CALN1: variants seen among roughly 807,000 people sequenced by gnomAD.
The protein encoded by CALN1 is calcium-binding protein 8.
Under a neutral mutation model 30.6 loss-of-function variants are expected in CALN1, and 17 were observed. The ratio of observed to expected loss-of-function variants is 0.56; its 90% CI spans 0.38 to 0.83. The LOEUF (loss-of-function observed/expected upper bound fraction) is 0.83. Ranked by LOEUF, CALN1 falls within the 40% of genes least tolerant of loss-of-function variation. The pLI, the probability that CALN1 is intolerant of heterozygous loss-of-function variation, is 0.00. For missense variants in CALN1, 291 were observed against 354.9 expected, an observed-to-expected ratio of 0.82 and a Z score of 1.45; for synonymous variants, 156 against 131.4, an observed-to-expected ratio of 1.19 and a Z score of -1.28.
At position 72,255,445 on chromosome 7, in the gene CALN1, C is replaced by T. The variant is rs190021124; in HGVS notation, c.244+23241G>A. 4.8e-3 allele frequency among the ~76,000 whole-genome samples: 718 copies of T among 149,688 alleles called. 2 individuals carry two copies. The highest frequency in any genetic ancestry group is 0.017 in the African/African-American group (679 of 40,624). On this transcript the variant is annotated intron_variant, in intron 3 of 6. Coordinates refer to ENST00000395275, the MANE Select transcript of CALN1 (RefSeq NM_031468.4). The stretch of plus-strand genomic sequence containing the variant: ...TGTTATTTTTTTTGAGATGGAATCT[C>T]GCTTTGTCACCCAGGCTGGAGTGCA...
intron 5 of CALN1, among the ~76,000 whole-genome samples, chr7:71,890,751 T>TTTC (rs1350838715): frequency 6.7e-6 from 1 of 148,590 alleles, no homozygotes; most frequent in East Asian, 2.0e-4. Flanking sequence ...TCTAGCTTTT[T>TTTC]TTTTTTTTTT....
intron 4 of CALN1, among the ~76,000 whole-genome samples, chr7:72,026,299 A>AG (rs934484093): frequency 2.6e-5 from 4 of 151,984 alleles, no homozygotes; most frequent in African/African-American, 9.7e-5. Flanking sequence ...AACAAAATAG[A>AG]GGGGGGTTGG....
At chr7:72,038,632 A>C (rs187103602) in intron 4 of CALN1, among the ~76,000 whole-genome samples, 13 of 152,254 alleles carry the variant, frequency 8.5e-5, no homozygotes, top group African/African-American at 3.1e-4. Context: ...ATGAAATAGG[A>C]GGTCGGCACA....
the CALN1 span, among the ~76,000 whole-genome samples, chr7:72,486,766 TAA>T: frequency 2.0e-5 from 3 of 152,216 alleles, no homozygotes; most frequent in South Asian, 4.1e-4. Flanking sequence ...GATTTTTTAT[TAA>T]AGTCATTTAT....
chr7:72,416,444 C>T (rs554690630), upstream of CALN1, among the ~76,000 whole-genome samples: 43 of 152,214 alleles, frequency 2.8e-4, no homozygotes, highest in African/African-American at 4.8e-4. Context: ...TGAGTGAAGC[C>T]GGGAACCCGG....
chr7:72,455,219 T>C, the CALN1 span, among the ~76,000 whole-genome samples: 2 of 151,942 alleles, frequency 1.3e-5, no homozygotes, highest in African/African-American at 4.8e-5. Context: ...GGAAGATCAC[T>C]TGAGCCCAGG....
At position 71,872,941 on chromosome 7, in the gene CALN1, G is replaced by C. The variant is rs566885701; in HGVS notation, c.502-62449C>G. ...GCTTTATTTTTCCATGGAAATGACT[G>C]GGTAAGGTTTGAAGGTACTTCCATT... On this transcript the variant is annotated intron_variant, in intron 5 of 6. Transcript: ENST00000395275. 1.2e-3 allele frequency among the ~76,000 whole-genome samples: 176 copies of C among 151,444 alleles called. 1 individual carries two copies. Among genetic ancestry groups the C allele is most frequent in the African/African-American group, 4.1e-3 (168 of 41,280 alleles).
intron 4 of CALN1, among the ~76,000 whole-genome samples, chr7:72,054,905 A>G (rs1055458420): frequency 6.6e-6 from 1 of 150,766 alleles, no homozygotes; most frequent in Non-Finnish European, 1.5e-5. Context: ...AACTAAAATA[A>G]AAACAAAACA....
intron 2 of CALN1, among the ~76,000 whole-genome samples, chr7:72,313,201 GA>G (rs1397565932): frequency 1.3e-5 from 2 of 152,052 alleles, no homozygotes; most frequent in Non-Finnish European, 2.9e-5. Context: ...GAATGGAGAA[GA>G]AACAAAAGAT....
In CALN1 at chr7:72,336,930, G is replaced by A. The variant is rs550785788; in HGVS notation, c.120-58120C>T. On this transcript the variant is annotated intron_variant, in intron 2 of 6. Coordinates refer to ENST00000395275, the MANE Select transcript of CALN1 (RefSeq NM_031468.4). ...CCGGGCCGCTCCCCACGCGCGCGCC[G>A]GGACCTGCACGAGCCCCCTCGTCGA... 95 of 984,808 alleles carry A rather than the reference G, an allele frequency of 9.6e-5. 1 individual carries two copies. The highest frequency in any genetic ancestry group is 7.0e-4 in the East Asian group (6 of 8,622). 61.0% of individuals were successfully genotyped at this position (984,808 alleles called of 1,614,324 possible).
intron 4 of CALN1, among the ~76,000 whole-genome samples, chr7:72,070,933 A>G (rs1804349823): frequency 6.6e-6 from 1 of 152,232 alleles, no homozygotes; most frequent in Non-Finnish European, 1.5e-5. Flanking sequence ...GTTCACCCAG[A>G]AAGTCAAAAC....
intron 3 of CALN1, among the ~76,000 whole-genome samples, chr7:72,191,181 A>T (rs1790570886): frequency 6.6e-6 from 1 of 152,200 alleles, no homozygotes; most frequent in Non-Finnish European, 1.5e-5. Flanking sequence ...GGAAGACAAG[A>T]AGAATGCGAC....
chr7:72,258,639 G>A (rs1231904417), intron 3 of CALN1, among the ~76,000 whole-genome samples: 1 of 152,184 alleles, frequency 6.6e-6, no homozygotes, highest in Non-Finnish European at 1.5e-5. Context: ...ATATGAAGAA[G>A]CCAGGGGTGG....
intron 4 of CALN1, among the ~76,000 whole-genome samples, chr7:72,088,591 C>T (rs1232941297): frequency 3.3e-5 from 5 of 151,066 alleles, no homozygotes; most frequent in Admixed American, 1.3e-4. Context: ...CCGACCTACT[C>T]GGGAGGCTGA....
chr7:72,056,839 G>A (rs1345333385), intron 4 of CALN1, among the ~76,000 whole-genome samples: 1 of 152,068 alleles, frequency 6.6e-6, no homozygotes, highest in Non-Finnish European at 1.5e-5. Context: ...TGTAGAAAAT[G>A]TTCAACTTCA....
At chr7:72,368,461 T>G (rs984437835) in intron 2 of CALN1, among the ~76,000 whole-genome samples, 1 of 152,052 alleles carries the variant, frequency 6.6e-6, no homozygotes, top group Admixed American at 6.6e-5. Flanking sequence ...CTTCTTTTTG[T>G]GTGTATCATT....
At chr7:72,406,525 G>A (rs747509298) in intron 1 of CALN1, among the ~76,000 whole-genome samples, 3 of 152,138 alleles carry the variant, frequency 2.0e-5, no homozygotes, top group Non-Finnish European at 4.4e-5. Flanking sequence ...TCATCTGAAA[G>A]GTCAGCCGGA....
At chr7:72,448,433 C>T (rs565864876), upstream of CALN1, among the ~76,000 whole-genome samples, 35 of 152,154 alleles carry the variant, frequency 2.3e-4, no homozygotes, top group African/African-American at 8.4e-4. Flanking sequence ...AGACCCCCTT[C>T]CCACGCTGCC....
chr7:72,201,789 A>G (rs1385247163), intron 3 of CALN1, among the ~76,000 whole-genome samples: 1 of 151,634 alleles, frequency 6.6e-6, no homozygotes, highest in Non-Finnish European at 1.5e-5. Flanking sequence ...GCCAGCTAGA[A>G]CCTGGAACCT....
Sources: gnomAD v4.1 joint callset for allele counts (sites outside exome capture counted in the v4.1 genomes callset) on GRCh38, gnomAD v4.1.1 for gene constraint, MANE v1.5 for transcripts, NCBI Gene and HGNC (gene_info 2026-07-23, HGNC 2026-07-21) for gene names.